HDAC1: variants seen among roughly 807,000 people sequenced by gnomAD.
HDAC1 encodes the protein protein deacetylase HDAC1.
Under a neutral mutation model 65.5 loss-of-function variants are expected in HDAC1, and 18 were observed. That is an observed-to-expected ratio of 0.27 (90% CI 0.19 to 0.41). The LOEUF is 0.41. Ranked by LOEUF, HDAC1 falls within the 10% of genes least tolerant of loss-of-function variation. HDAC1 has a pLI of 1.00. For missense variants in HDAC1, 373 were observed against 625.2 expected (o/e 0.60, Z 4.30); for synonymous variants, 211 against 227.9 (o/e 0.93, Z 0.67).
chr1:32,332,015 G>A, intron 11 of HDAC1, 75 bp from the exon 12 acceptor site: 34 of 1,465,152 alleles, frequency 2.3e-5, no homozygotes, highest in Non-Finnish European at 3.1e-5. Context: ...GACACGCAGG[G>A]AAGCACTGGG....
At position 32,327,821 on chromosome 1, in the gene HDAC1, C is replaced by T; in HGVS notation, c.636+144C>T. 2.8e-6 allele frequency: 2 copies of T among 719,826 alleles called. No homozygotes were observed. The highest frequency in any genetic ancestry group is 5.0e-6 in the Non-Finnish European group (2 of 401,378). 44.6% of individuals were successfully genotyped at this position (719,826 alleles called of 1,614,324 possible). On this transcript the variant is annotated intron_variant, in intron 6 of 13. Transcript: ENST00000373548. The surrounding 1 kb of genome is among the most constrained non-coding windows in gnomAD (Gnocchi z 6.0). Reference sequence around the variant, plus strand: ...CCCAATCTGAAGCACTTGCCCTGATCTCTTTCCCTTCCTTATTCTGGAGGA... The same window carrying T: ...CCCAATCTGAAGCACTTGCCCTGATTTCTTTCCCTTCCTTATTCTGGAGGA...
chr1:32,308,986 A>G (rs1031055902), intron 2 of HDAC1, among the ~76,000 whole-genome samples: 2 of 151,860 alleles, frequency 1.3e-5, no homozygotes, highest in African/African-American at 4.8e-5. Context: ...TAATTTTTGT[A>G]TTTTTTATAG....
intron 4 of HDAC1, among the ~76,000 whole-genome samples, chr1:32,325,754 G>C (rs180787530): frequency 6.6e-6 from 1 of 152,226 alleles, no homozygotes; most frequent in African/African-American, 2.4e-5. Context: ...AGCTGGACAC[G>C]GTGGCACATG....
intron 3 of HDAC1, among the ~76,000 whole-genome samples, chr1:32,321,799 T>C (rs1286690390): frequency 1.3e-5 from 2 of 151,818 alleles, no homozygotes; most frequent in African/African-American, 4.8e-5. Flanking sequence ...AATAAGAGTA[T>C]AAACAAAGCT....
intron 2 of HDAC1, among the ~76,000 whole-genome samples, chr1:32,306,195 T>C (rs981320651): frequency 6.7e-6 from 1 of 150,352 alleles, no homozygotes; most frequent in Non-Finnish European, 1.5e-5. Flanking sequence ...TCTTTTTCTT[T>C]TTTTTTTTTT....
At chr1:32,318,816 G>A (rs564138301) in intron 3 of HDAC1, among the ~76,000 whole-genome samples, 3 of 152,184 alleles carry the variant, frequency 2.0e-5, no homozygotes, top group African/African-American at 7.2e-5. Flanking sequence ...TTCTAAAGTT[G>A]TACATTAAAA....
chr1:32,327,238 G>A lies in HDAC1; in HGVS notation c.494+161G>A. On this transcript the variant is annotated intron_variant, in intron 5 of 13. Coordinates refer to ENST00000373548, the MANE Select transcript of HDAC1 (RefSeq NM_004964.3). This position sits in a 1 kb window ranked among gnomAD's most constrained non-coding sequence, Gnocchi z 6.0. ...GCCATCATCTCCTTGATGGGGTCTT[G>A]GTTTGATCTGAGCCACGGCATGATC... The A allele has an allele frequency of 1.4e-6, 1 of 695,058 alleles. No individual in the cohort carries two copies. The allele number at this position is 695,058 out of a possible 1,614,324, so 43.1% of individuals were successfully genotyped here. A position where few individuals can be genotyped will look rare whatever the true frequency, so the allele number is the denominator to read the frequency against.
intron 3 of HDAC1, among the ~76,000 whole-genome samples, chr1:32,320,274 C>A (rs1641122789): frequency 6.6e-6 from 1 of 151,034 alleles, no homozygotes; most frequent in African/African-American, 2.4e-5. Flanking sequence ...CACACCTAAT[C>A]TAGGAAGTTA....
Position 32,329,227 on chromosome 1 carries a change from CA to C in HDAC1, c.729+68del. The C allele has an allele frequency of 1.1e-6, 1 of 902,376 alleles. No individual in the cohort carries two copies. The highest frequency in any genetic ancestry group is 1.9e-6 in the Non-Finnish European group (1 of 530,578). The allele number at this position is 902,376 out of a possible 1,614,324, so 55.9% of individuals were successfully genotyped here. On this transcript the variant is annotated intron_variant, in intron 7 of 13. Coordinates refer to ENST00000373548, the MANE Select transcript of HDAC1 (RefSeq NM_004964.3). The surrounding 1 kb of genome is among the most constrained non-coding windows in gnomAD (Gnocchi z 4.1). Reference sequence around the variant, plus strand: ...TGGTTGGCGGTGGAGGGGAGCAAAGCACCCCCACCATACCTCAGGAATCTCT... The same window carrying C: ...TGGTTGGCGGTGGAGGGGAGCAAAGCCCCCCACCATACCTCAGGAATCTCT...
At chr1:32,321,308 T>A (rs1397197757) in intron 3 of HDAC1, among the ~76,000 whole-genome samples, 2 of 152,032 alleles carry the variant, frequency 1.3e-5, no homozygotes, top group East Asian at 3.9e-4. Context: ...GAAAACATTA[T>A]CAATACAGTT....
At chr1:32,324,710 C>T (rs563576020) in intron 4 of HDAC1, among the ~76,000 whole-genome samples, 157 bp downstream of exon 4, 2 of 152,118 alleles carry the variant, frequency 1.3e-5, no homozygotes, top group Admixed American at 1.3e-4. Context: ...TGTCTCACAC[C>T]TGTAATCCCA....
At chr1:32,328,481 C>T (rs766406425) in intron 6 of HDAC1, among the ~76,000 whole-genome samples, 61 of 152,174 alleles carry the variant, frequency 4.0e-4, no homozygotes, top group Non-Finnish European at 6.0e-4. Context: ...CAACTATGCC[C>T]GGCTAATTTT....
chr1:32,309,666 A>G (rs541222492), intron 2 of HDAC1, among the ~76,000 whole-genome samples: 12 of 149,242 alleles, frequency 8.0e-5, no homozygotes, highest in African/African-American at 3.0e-4. Context: ...CAGCCTGGGC[A>G]ACAGAGCGAG....
intron 2 of HDAC1, among the ~76,000 whole-genome samples, chr1:32,307,919 T>G (rs1467217334): frequency 6.6e-6 from 1 of 152,186 alleles, no homozygotes; most frequent in Non-Finnish European, 1.5e-5. Flanking sequence ...CTCTAGATCT[T>G]AAGGAAGAGT....
At chr1:32,316,574 A>G in intron 2 of HDAC1, 91 bp from the exon 3 acceptor site, 2 of 760,384 alleles carry the variant, frequency 2.6e-6, no homozygotes, top group Non-Finnish European at 4.7e-6. Context: ...ACCTAGCTCC[A>G]TGCTGCGCAG....
In HDAC1 at chr1:32,292,173, G is replaced by A; in HGVS notation, c.4G>A (p.Ala2Thr). 1 of 1,548,666 alleles carries A rather than the reference G, an allele frequency of 6.5e-7. No individual in the cohort carries two copies. Among genetic ancestry groups the A allele is most frequent in the Non-Finnish European group, 8.7e-7 (1 of 1,146,402 alleles). Residue 2 changes from alanine (A) to threonine (T), a missense_variant, in exon 1 of 14, where the codon GCG becomes ACG. Around this residue, in one of 4 missense-constraint regions of HDAC1, gnomAD observed 80 missense variants for 126.3 expected, o/e 0.63. Transcript: ENST00000373548. M[A>T]QTQGTRRKVC... Reference sequence around the variant, plus strand: ...GTAGGGACGGGAGGCGAGCAAGATGGCGCAGACGCAGGGCACCCGGAGGAA... The same window carrying A: ...GTAGGGACGGGAGGCGAGCAAGATGACGCAGACGCAGGGCACCCGGAGGAA...
chr1:32,304,683 C>T (rs1459104852), intron 2 of HDAC1, among the ~76,000 whole-genome samples: 1 of 152,126 alleles, frequency 6.6e-6, no homozygotes, highest in Non-Finnish European at 1.5e-5. Flanking sequence ...GATTCTCCAG[C>T]CTCAGCCTGC....
rs560312057 is a variant in HDAC1 at position 32,309,680 on chromosome 1, CAAAAAAAAAAA to C, written c.162+6959_163-6963del. Among the ~76,000 whole-genome samples, 9 of 50,934 alleles carry C rather than the reference CAAAAAAAAAAA, an allele frequency of 1.8e-4. No individual in the cohort carries two copies. In the East Asian group the frequency reaches 5.3e-3, roughly 30 times the overall value. 33.4% of individuals were successfully genotyped at this position (50,934 alleles called of 152,430 possible). On this transcript the variant is annotated intron_variant, in intron 2 of 13. Transcript: ENST00000373548. The stretch of plus-strand genomic sequence containing the variant: ...CCAGCCTGGGCAACAGAGCGAGTCT[CAAAAAAAAAAA>C]AAAAAAAAAAACAAGCCTTGCTCTG...
intron 1 of HDAC1, among the ~76,000 whole-genome samples, chr1:32,297,777 A>ATTTTTTT (rs71571709): frequency 4.2e-5 from 3 of 72,144 alleles, no homozygotes; most frequent in African/African-American, 1.2e-4. Flanking sequence ...CGCCTGGCTA[A>ATTTTTTT]TTTTTTTTTT....
Sources: allele counts gnomAD v4.1 joint callset (sites outside exome capture counted in the v4.1 genomes callset), GRCh38; gene constraint gnomAD v4.1.1; regional missense constraint gnomAD v4.1.1; non-coding constraint Gnocchi (gnomAD v3.1); transcripts MANE v1.5; gene names NCBI Gene and HGNC (gene_info 2026-07-23, HGNC 2026-07-21).